The following EPS15 variants were observed in gnomAD, a reference collection of about 807,000 sequenced individuals.
The protein encoded by EPS15 is epidermal growth factor receptor pathway substrate 15.
A neutral mutation model predicts 113.8 loss-of-function variants in EPS15; 72 were observed. The observed-to-expected ratio is 0.63, with a 90% CI of 0.52 to 0.77. The LOEUF is 0.77. Ranked by LOEUF, EPS15 falls within the 30% of genes least tolerant of loss-of-function variation. The pLI, the probability that EPS15 is intolerant of heterozygous loss-of-function variation, is 0.00. For missense variants in EPS15, 1,048 were observed against 1,045.8 expected (o/e 1.00, Z -0.03); for synonymous variants, 344 against 363.4 (o/e 0.95, Z 0.61).
At chr1:51,467,629 T>C (rs1654936996) in intron 5 of EPS15, among the ~76,000 whole-genome samples, 2 of 152,184 alleles carry the variant, frequency 1.3e-5, no homozygotes, top group South Asian at 4.1e-4. Context: ...CCATGGCCTG[T>C]TAGGAACTGA....
chr1:51,358,432 T>G (rs546998168), intron 24 of EPS15, among the ~76,000 whole-genome samples: 138 of 152,342 alleles, frequency 9.1e-4, no homozygotes, highest in Non-Finnish European at 1.4e-3. Context: ...TGGCAAATAC[T>G]AAATTAAAAA....
intron 1 of EPS15, among the ~76,000 whole-genome samples, chr1:51,508,244 G>GAAA (rs57780777): frequency 0.019 from 897 of 48,232 alleles, 4 homozygotes; most frequent in East Asian, 0.069. Context: ...AAAAGAAAGA[G>GAAA]AGAAAGAGAG....
chr1:51,508,338 G>GAGAAAGAGAGAA (rs1553139583), intron 1 of EPS15, among the ~76,000 whole-genome samples: 250 of 122,322 alleles, frequency 2.0e-3, no homozygotes, highest in Non-Finnish European at 3.1e-3. Context: ...AAGAGAAAGA[G>GAGAAAGAGAGAA]AGAAAGAAAG....
At chr1:51,505,332 T>A (rs1185124781) in intron 1 of EPS15, among the ~76,000 whole-genome samples, 1 of 152,112 alleles carries the variant, frequency 6.6e-6, no homozygotes, top group Non-Finnish European at 1.5e-5. Context: ...AACCATACGA[T>A]GGAATATTTT....
intron 21 of EPS15, chr1:51,372,605 T>C (rs1385809742): frequency 1.4e-5 from 7 of 511,386 alleles, no homozygotes; most frequent in African/African-American, 1.4e-4. Context: ...GAAAAGACAC[T>C]AACCTAACTC....
intron 24 of EPS15, among the ~76,000 whole-genome samples, chr1:51,357,387 AAAAAATATATATATATATAT>A (rs1646244522): frequency 1.8e-5 from 1 of 54,954 alleles, no homozygotes; most frequent in African/African-American, 9.6e-5. Context: ...AAAAAAAAAA[AAAAAATATATATATATATAT>A]ATATATATAT....
At chr1:51,450,436 A>G (rs1653448471) in intron 8 of EPS15, among the ~76,000 whole-genome samples, 1 of 151,696 alleles carries the variant, frequency 6.6e-6, no homozygotes, top group Non-Finnish European at 1.5e-5. Context: ...GACGTGTCAC[A>G]TGGCAAGAGC....
chr1:51,373,991 G>A (rs919065053), intron 21 of EPS15, among the ~76,000 whole-genome samples: 3 of 152,262 alleles, frequency 2.0e-5, no homozygotes, highest in Non-Finnish European at 2.9e-5. Flanking sequence ...GTCACAGCTT[G>A]TGGTTTCTGG....
chr1:51,405,824 T>C (rs1025688182), intron 16 of EPS15, 81 bp downstream of exon 16: 6 of 1,178,498 alleles, frequency 5.1e-6, no homozygotes, highest in Non-Finnish European at 7.6e-6. Flanking sequence ...AGGCCATGTA[T>C]TTATATTAGA....
rs377569405 is a variant in EPS15 at position 51,355,521 on chromosome 1, C to A, written c.*1179G>T. 6.2e-5 allele frequency: 12 copies of A among 193,146 alleles called. No individual in the cohort carries two copies. The highest frequency in any genetic ancestry group is 2.6e-4 in the African/African-American group (11 of 43,050). The allele number at this position is 193,146 out of a possible 1,614,324, so 12.0% of individuals were successfully genotyped here. On this transcript the variant is annotated 3_prime_UTR_variant, in exon 25 of 25. Transcript: ENST00000371733. ...AACATGAAGAGGTCTGATAATCTGG[C>A]AGGTCTCTTCTCTCCCAATTAAAAA... is the stretch of plus-strand genomic sequence containing the variant.
intron 12 of EPS15, among the ~76,000 whole-genome samples, chr1:51,435,417 C>T (rs1406023393): frequency 4.6e-5 from 7 of 152,268 alleles, no homozygotes; most frequent in Non-Finnish European, 1.0e-4. Flanking sequence ...TGGTCTCAAA[C>T]TCCTGACCTC....
intron 1 of EPS15, among the ~76,000 whole-genome samples, chr1:51,491,468 A>C (rs765820454): frequency 1.3e-5 from 2 of 152,222 alleles, no homozygotes; most frequent in African/African-American, 2.4e-5. Flanking sequence ...AACATTTAGA[A>C]GCTTTTGATA....
intron 20 of EPS15, among the ~76,000 whole-genome samples, chr1:51,396,486 T>G (rs1647955106): frequency 6.6e-6 from 1 of 152,156 alleles, no homozygotes; most frequent in Non-Finnish European, 1.5e-5. Context: ...ACTGGCACAT[T>G]TCGGATTTGG....
chr1:51,460,757 C>T (rs1208941107), intron 8 of EPS15, among the ~76,000 whole-genome samples: 1 of 151,972 alleles, frequency 6.6e-6, no homozygotes, highest in African/African-American at 2.4e-5. Flanking sequence ...AGTTCAAGAC[C>T]AGCCTAGCCA....
chr1:51,504,705 TGA>T (rs1557532526), intron 1 of EPS15, among the ~76,000 whole-genome samples: 1 of 151,946 alleles, frequency 6.6e-6, no homozygotes, highest in African/African-American at 2.4e-5. Context: ...GAAAACACAA[TGA>T]GATACTAAAA....
intron 1 of EPS15, among the ~76,000 whole-genome samples, chr1:51,502,254 T>C (rs1290806936): frequency 6.6e-6 from 1 of 152,118 alleles, no homozygotes; most frequent in Non-Finnish European, 1.5e-5. Context: ...AATAAAGACC[T>C]TGTCTCAAAC....
At chr1:51,473,889 A>C (rs1013661224) in intron 2 of EPS15, among the ~76,000 whole-genome samples, 6 of 152,208 alleles carry the variant, frequency 3.9e-5, no homozygotes. Context: ...CAAAAAAGAA[A>C]AACATGGCCT....
chr1:51,457,187 T>A (rs1654066229), intron 8 of EPS15, among the ~76,000 whole-genome samples: 1 of 152,084 alleles, frequency 6.6e-6, no homozygotes, highest in Non-Finnish European at 1.5e-5. Context: ...CTCAGGAGGC[T>A]GAGGCAGGAG....
chr1:51,513,073 C>A (rs914979075), intron 1 of EPS15, among the ~76,000 whole-genome samples: 1 of 152,016 alleles, frequency 6.6e-6, no homozygotes, highest in African/African-American at 2.4e-5. Flanking sequence ...TCAATCAATC[C>A]TTCCGCCTCA....
Sources: gnomAD v4.1 joint callset for allele counts (sites outside exome capture counted in the v4.1 genomes callset) on GRCh38, gnomAD v4.1.1 for gene constraint, MANE v1.5 for transcripts, NCBI Gene and HGNC (gene_info 2026-07-23, HGNC 2026-07-21) for gene names.